CLEC16A: variants seen among roughly 807,000 people sequenced by gnomAD.
CLEC16A encodes C-type lectin domain containing 16A.
CLEC16A carries 51 observed loss-of-function variants against 109.5 expected under a neutral mutation model. That is an observed-to-expected ratio of 0.47 (90% CI 0.37 to 0.59). CLEC16A has a LOEUF of 0.59. CLEC16A is among the 20% of genes least tolerant of loss of function. The pLI is 0.00. For synonymous variants in CLEC16A, 673 were observed against 564.2 expected (o/e 1.19, Z -2.73); for missense variants, 1,339 against 1,394.0 (o/e 0.96, Z 0.63).
chr16:10,971,756 A>G (rs1054670031), intron 5 of CLEC16A, among the ~76,000 whole-genome samples: 1 of 152,172 alleles, frequency 6.6e-6, no homozygotes, highest in Admixed American at 6.5e-5. Flanking sequence ...GGAAAAAGCC[A>G]TTCCCCCACT....
At chr16:11,028,716 C>T (rs1437516034) in intron 13 of CLEC16A, among the ~76,000 whole-genome samples, 1 of 152,010 alleles carries the variant, frequency 6.6e-6, no homozygotes, top group African/African-American at 2.4e-5. Context: ...GTGTGAACAC[C>T]ACTTAATCAG....
At chr16:10,957,173 GATC>G (rs1277639470) in intron 1 of CLEC16A, among the ~76,000 whole-genome samples, 6 of 152,220 alleles carry the variant, frequency 3.9e-5, no homozygotes, top group Admixed American at 3.9e-4. Flanking sequence ...AAACCACCCA[GATC>G]ATTTGAGCCA....
chr16:10,973,850 T>G (rs889278948), intron 7 of CLEC16A, among the ~76,000 whole-genome samples: 1 of 145,834 alleles, frequency 6.9e-6, no homozygotes, highest in Non-Finnish European at 1.5e-5. Context: ...GGATTACAGG[T>G]ATGAGCCATA....
At chr16:10,993,800 G>A (rs1018092325) in intron 10 of CLEC16A, among the ~76,000 whole-genome samples, 4 of 152,202 alleles carry the variant, frequency 2.6e-5, no homozygotes, top group South Asian at 2.1e-4. Context: ...TTCAATGCTC[G>A]TGATGATCTT....
At chr16:10,973,355 A>C (rs990834058) in intron 7 of CLEC16A, among the ~76,000 whole-genome samples, 2 of 152,200 alleles carry the variant, frequency 1.3e-5, no homozygotes, top group African/African-American at 2.4e-5. Context: ...TGAATGCATT[A>C]ACAAAATGTA....
At chr16:10,955,699 C>T (rs895777459) in intron 1 of CLEC16A, among the ~76,000 whole-genome samples, 43 of 152,122 alleles carry the variant, frequency 2.8e-4, no homozygotes, top group Non-Finnish European at 4.9e-4. Flanking sequence ...CTCCCATTGA[C>T]CAGGAGTATG....
At chr16:11,103,807 C>G (rs987147122) in intron 19 of CLEC16A, among the ~76,000 whole-genome samples, 4 of 152,116 alleles carry the variant, frequency 2.6e-5, no homozygotes, top group Non-Finnish European at 5.9e-5. Context: ...TCCAGCACCC[C>G]CAGAAATGTT....
At chr16:11,118,043 T>C (rs921807904) in intron 19 of CLEC16A, among the ~76,000 whole-genome samples, 11 of 152,094 alleles carry the variant, frequency 7.2e-5, no homozygotes, top group African/African-American at 2.4e-4. Flanking sequence ...GGTACACTCA[T>C]GGCTCACTGC....
chr16:11,159,795 T>C (rs915286995), intron 22 of CLEC16A, among the ~76,000 whole-genome samples: 3 of 152,352 alleles, frequency 2.0e-5, no homozygotes, highest in Admixed American at 6.5e-5. Context: ...GCTTGAAGTC[T>C]TTCTGATATA....
chr16:11,092,361 A>ACACACACAC (rs2050354709), intron 19 of CLEC16A, among the ~76,000 whole-genome samples: 5 of 132,434 alleles, frequency 3.8e-5, no homozygotes, highest in Admixed American at 7.6e-5. Flanking sequence ...AACAAAAACA[A>ACACACACAC]ACACACACAC....
chr16:10,946,648 G>C (rs1158280649), intron 1 of CLEC16A, among the ~76,000 whole-genome samples: 2 of 152,116 alleles, frequency 1.3e-5, no homozygotes, highest in Non-Finnish European at 2.9e-5. Flanking sequence ...CCGGCATCCA[G>C]GTACCTCCAG....
chr16:11,130,302 C>T lies in CLEC16A; in HGVS notation c.2641+4156C>T, dbSNP rs117073184. Among the ~76,000 whole-genome samples the T allele has an allele frequency of 4.5e-4, 69 of 152,338 alleles. No homozygotes were observed. In the East Asian group the frequency reaches 0.012, roughly 26 times the overall value. Reference sequence around the variant, plus strand: ...GAGCCCATCAAAGGCCTTCTCCCTTCTCTGAACACGGGAAGACAAGGAAAG... The same window carrying T: ...GAGCCCATCAAAGGCCTTCTCCCTTTTCTGAACACGGGAAGACAAGGAAAG... On this transcript the variant is annotated intron_variant, in intron 22 of 23. Coordinates refer to ENST00000409790, the MANE Select transcript of CLEC16A (RefSeq NM_015226.3).
At chr16:11,086,678 G>A (rs2050028362) in intron 19 of CLEC16A, among the ~76,000 whole-genome samples, 1 of 152,148 alleles carries the variant, frequency 6.6e-6, no homozygotes, top group Admixed American at 6.5e-5. Flanking sequence ...AAGTGGCTGG[G>A]AATACAGGCG....
chr16:10,955,875 C>A (rs2041960458), intron 1 of CLEC16A, among the ~76,000 whole-genome samples: 1 of 152,208 alleles, frequency 6.6e-6, no homozygotes, highest in Admixed American at 6.5e-5. Flanking sequence ...TGTCAGACTT[C>A]AGTGGGATTG....
chr16:10,988,229 T>G (rs1050325773), intron 10 of CLEC16A, among the ~76,000 whole-genome samples: 1 of 152,212 alleles, frequency 6.6e-6, no homozygotes, highest in Non-Finnish European at 1.5e-5. Flanking sequence ...TTAAAGGACT[T>G]TTTTTTCCTC....
At chr16:11,079,042 C>T (rs919366706) in intron 19 of CLEC16A, among the ~76,000 whole-genome samples, 2 of 152,180 alleles carry the variant, frequency 1.3e-5, no homozygotes, top group Non-Finnish European at 2.9e-5. Context: ...GGTTGGGCCT[C>T]CTGGATGCTC....
intron 20 of CLEC16A, 100 bp from the exon 21 acceptor site, chr16:11,123,642 A>G (rs2052590320): frequency 8.8e-7 from 1 of 1,140,722 alleles, no homozygotes; most frequent in Non-Finnish European, 1.3e-6. Context: ...GCAGAGATGA[A>G]TTTGGAGACC....
At chr16:11,120,552 G>C in intron 19 of CLEC16A, 63 bp from the exon 20 acceptor site, 1 of 1,505,800 alleles carries the variant, frequency 6.6e-7, no homozygotes, top group African/African-American at 1.4e-5. Flanking sequence ...GTCAGCTTTG[G>C]TGTCTCCATC....
chr16:11,020,568 C>A (rs1400977028), intron 12 of CLEC16A, among the ~76,000 whole-genome samples: 1 of 152,188 alleles, frequency 6.6e-6, no homozygotes, highest in Non-Finnish European at 1.5e-5. Context: ...CTCTCCCTGC[C>A]CTGCTCCTGG....
Sources: gnomAD v4.1 joint callset for allele counts (sites outside exome capture counted in the v4.1 genomes callset) on GRCh38, gnomAD v4.1.1 for gene constraint, MANE v1.5 for transcripts, NCBI Gene and HGNC (gene_info 2026-07-23, HGNC 2026-07-21) for gene names.